Variants in LYG1 observed in about 807,000 individuals in gnomAD.
LYG1 encodes lysozyme g-like protein 1.
LYG1 carries 17 observed loss-of-function variants against 21.7 expected under a neutral mutation model. The ratio of observed to expected loss-of-function variants is 0.78; its 90% CI spans 0.54 to 1.18. The LOEUF (loss-of-function observed/expected upper bound fraction) is 1.18, where lower values mean the gene tolerates loss of function less well. Among genes scored for constraint, LYG1 ranks in the 50% most tolerant of loss-of-function variants. The probability of loss-of-function intolerance (pLI) is 0.00; values close to 1 mark genes in which losing one functional copy is unlikely to be tolerated. For synonymous variants in LYG1, 81 were observed against 87.4 expected (o/e 0.93, Z 0.41); for missense variants, 211 against 238.1 (o/e 0.89, Z 0.75).
Position 99,291,162 on chromosome 2 carries a change from T to C in LYG1, c.333+75A>G, listed in dbSNP as rs962570536. Reference sequence around the variant, plus strand: ...CATTCATGCTGTGTTCTGTGAAGCTTTGCCATCATCCAAAAAACAAAGCAG... The same window carrying C: ...CATTCATGCTGTGTTCTGTGAAGCTCTGCCATCATCCAAAAAACAAAGCAG... On this transcript the variant is annotated intron_variant, in intron 5 of 6. Transcript: ENST00000308528. 4.2e-6 allele frequency: 6 copies of C among 1,431,340 alleles called. No homozygotes were observed. In the African/African-American group the frequency reaches 7.0e-5, roughly 17 times the overall value. The allele number at this position is 1,431,340 out of a possible 1,614,324, so 88.7% of individuals were successfully genotyped here. A position where few individuals can be genotyped will look rare whatever the true frequency, so the allele number is the denominator to read the frequency against.
At chr2:99,295,265 T>G in intron 3 of LYG1, among the ~76,000 whole-genome samples, 1 of 152,228 alleles carries the variant, frequency 6.6e-6, no homozygotes, top group East Asian at 1.9e-4. Flanking sequence ...GAATTAGTCT[T>G]ATTCATTAGT....
In LYG1 at chr2:99,286,860, A is replaced by G. The variant is rs151112668; in HGVS notation, c.334-2040T>C. 9.3e-4 allele frequency among the ~76,000 whole-genome samples: 142 copies of G among 152,332 alleles called. 1 individual carries two copies. The highest frequency in any genetic ancestry group is 3.3e-3 in the African/African-American group (136 of 41,574). Reference sequence around the variant, plus strand: ...TTCCCAATAGCCAAGAGGTAGAAACAACCTAAATGTACCTGACAGATGAAT... The same window carrying G: ...TTCCCAATAGCCAAGAGGTAGAAACGACCTAAATGTACCTGACAGATGAAT... On this transcript the variant is annotated intron_variant, in intron 5 of 6. Coordinates refer to ENST00000308528, the MANE Select transcript of LYG1 (RefSeq NM_174898.3).
intron 5 of LYG1, among the ~76,000 whole-genome samples, chr2:99,285,774 G>T (rs545381133): frequency 2.6e-5 from 4 of 152,038 alleles, no homozygotes; most frequent in African/African-American, 9.7e-5. Context: ...ATTTGGACTC[G>T]TGCCCAAATT....
chr2:99,299,793 A>G (rs1222931797), intron 1 of LYG1, among the ~76,000 whole-genome samples: 2 of 151,392 alleles, frequency 1.3e-5, no homozygotes, highest in Non-Finnish European at 2.9e-5. Flanking sequence ...ATTTTTAAAT[A>G]TTTATTTTAT....
At chr2:99,286,952 G>A (rs1417186456) in intron 5 of LYG1, among the ~76,000 whole-genome samples, 1 of 152,178 alleles carries the variant, frequency 6.6e-6, no homozygotes, top group African/African-American at 2.4e-5. Flanking sequence ...AGGAAATCCT[G>A]CATTATATGA....
At chr2:99,299,222 C>G (rs1401857601) in intron 1 of LYG1, among the ~76,000 whole-genome samples, 1 of 151,626 alleles carries the variant, frequency 6.6e-6, no homozygotes, top group African/African-American at 2.4e-5. Flanking sequence ...CCACCGCGCC[C>G]AGCCCCTGGG....
chr2:99,291,140 T>A, intron 5 of LYG1, 97 bp downstream of exon 5: 1 of 1,190,798 alleles, frequency 8.4e-7, no homozygotes, highest in Non-Finnish European at 1.2e-6. Flanking sequence ...AGACCTTCAT[T>A]CATGCTGTGT....
rs2094117944 is a variant in LYG1 at position 99,291,409 on chromosome 2, G to T, written c.161C>A (p.Ser54Tyr). 1 of 1,614,008 alleles carries T rather than the reference G, an allele frequency of 6.2e-7. No homozygotes were observed. The highest frequency in any genetic ancestry group is 8.5e-7 in the Non-Finnish European group (1 of 1,180,024). ...HGLNYCGVRA[S>Y]ERLAEIDMPY... ...CATGTCTATTTCAGCCAGCCTTTCA[G>T]AAGCACGAACTCCTAAACCAAACGC... is the stretch of plus-strand genomic sequence containing the variant. The change falls in exon 5 of 7, where the codon TCT becomes TAT. Residue 54 changes from serine (S) to tyrosine (Y), a missense_variant. Ser to Tyr is a moderately radical substitution (Grantham distance 144). Transcript: ENST00000308528.
chr2:99,287,682 A>G (rs1353776084), intron 5 of LYG1, among the ~76,000 whole-genome samples: 2 of 151,734 alleles, frequency 1.3e-5, no homozygotes, highest in Non-Finnish European at 2.9e-5. Context: ...TGTTTCTTTA[A>G]CCTAAGAGTT....
chr2:99,284,619 G>A (rs2094091947), intron 6 of LYG1, 69 bp downstream of exon 6: 4 of 1,595,438 alleles, frequency 2.5e-6, no homozygotes, highest in South Asian at 2.2e-5. Flanking sequence ...GGGGAATCTG[G>A]TGCAATGTAT....
At chr2:99,292,985 C>T (rs200451960) in intron 3 of LYG1, among the ~76,000 whole-genome samples, 20 of 83,154 alleles carry the variant, frequency 2.4e-4, no homozygotes, top group African/African-American at 3.4e-4. Flanking sequence ...CCTCATCTTA[C>T]TTTTTTTTTT....
intron 5 of LYG1, among the ~76,000 whole-genome samples, chr2:99,290,049 G>T (rs1040427499): frequency 1.3e-5 from 2 of 151,978 alleles, no homozygotes; most frequent in Non-Finnish European, 2.9e-5. Context: ...GTAGAGATGG[G>T]GTTTCACCAT....
At chr2:99,293,866 T>G (rs770624609) in intron 3 of LYG1, among the ~76,000 whole-genome samples, 2 of 152,168 alleles carry the variant, frequency 1.3e-5, no homozygotes, top group Admixed American at 6.6e-5. Flanking sequence ...TTGAGAATCA[T>G]CTCACCATTA....
At chr2:99,301,625 T>G, upstream of LYG1, among the ~76,000 whole-genome samples, 3 of 120,396 alleles carry the variant, frequency 2.5e-5, no homozygotes, top group East Asian at 2.7e-4. Context: ...CCCAGACAGG[T>G]TTTTGGGCTA....
intron 4 of LYG1, 86 bp downstream of exon 4, chr2:99,292,450 G>C (rs574826523): frequency 2.0e-6 from 2 of 999,706 alleles, no homozygotes; most frequent in Non-Finnish European, 3.1e-6. Context: ...CCCATACCCG[G>C]AACTCTTTCC....
chr2:99,284,424 C>T lies in LYG1; in HGVS notation c.554G>A (p.Arg185Gln), dbSNP rs779624939. 8 of 1,614,024 alleles carry T rather than the reference C, an allele frequency of 5.0e-6. No homozygotes were observed. Among genetic ancestry groups the T allele is most frequent in the South Asian group, 3.3e-5 (3 of 91,086 alleles). Reference protein sequence around the residue: ...SCDFCNDVLARAKYLKRHGF With the variant: ...SCDFCNDVLAQAKYLKRHGF ...GCCATGTCTCTTGAGGTACTTGGCT[C>T]GTGCAAGGACATCATTGCAGAAGTC... Residue 185 changes from arginine to glutamine, a missense_variant, in exon 7 of 7, where the codon CGA (arginine) becomes CAA (glutamine). Coordinates refer to ENST00000308528, the MANE Select transcript of LYG1 (RefSeq NM_174898.3).
At chr2:99,291,522 G>A in intron 4 of LYG1, 101 bp from the exon 5 acceptor site, 2 of 1,293,094 alleles carry the variant, frequency 1.5e-6, no homozygotes, top group Non-Finnish European at 2.1e-6. Flanking sequence ...CTGAGTAATG[G>A]TCGAGGACTG....
At chr2:99,289,949 C>A (rs908557854) in intron 5 of LYG1, among the ~76,000 whole-genome samples, 4 of 151,986 alleles carry the variant, frequency 2.6e-5, no homozygotes, top group East Asian at 1.9e-4. Context: ...ACCTCTACCC[C>A]CCAGGTTCAA....
chr2:99,292,741 C>A, intron 3 of LYG1, 101 bp from the exon 4 acceptor site: 1 of 724,918 alleles, frequency 1.4e-6, no homozygotes, highest in South Asian at 1.7e-5. Flanking sequence ...ATAATAAAAT[C>A]CATTACATCA....
Sources: allele counts gnomAD v4.1 joint callset (sites outside exome capture counted in the v4.1 genomes callset), GRCh38; gene constraint gnomAD v4.1.1; transcripts MANE v1.5; gene names NCBI Gene and HGNC (gene_info 2026-07-23, HGNC 2026-07-21).